Variants in TTC29 observed in about 807,000 individuals in gnomAD.
TTC29 encodes tetratricopeptide repeat protein 29.
In TTC29, 49 loss-of-function variants were observed where a neutral mutation model predicts 58.1. The ratio of observed to expected loss-of-function variants is 0.84; its 90% CI spans 0.67 to 1.07. The LOEUF (loss-of-function observed/expected upper bound fraction) is 1.07. Among genes scored for constraint, TTC29 ranks in the 50% least tolerant of loss-of-function variants. TTC29 has a pLI of 0.00. For synonymous variants in TTC29, 209 were observed against 196.8 expected (o/e 1.06, Z -0.52); for missense variants, 582 against 555.6 (o/e 1.05, Z -0.48).
At chr4:146,792,277 T>G (rs982719220) in intron 11 of TTC29, among the ~76,000 whole-genome samples, 1 of 152,208 alleles carries the variant, frequency 6.6e-6, no homozygotes, top group Non-Finnish European at 1.5e-5. Flanking sequence ...ACTTTGACGT[T>G]GAAGCCCATG....
intron 6 of TTC29, among the ~76,000 whole-genome samples, chr4:146,879,886 A>C (rs1283306400): frequency 6.6e-6 from 1 of 152,206 alleles, no homozygotes; most frequent in Non-Finnish European, 1.5e-5. Context: ...CACAGGTATT[A>C]AAGTCTTTGT....
chr4:146,814,750 A>AAG (rs1751279470), intron 10 of TTC29, among the ~76,000 whole-genome samples: 1 of 139,706 alleles, frequency 7.2e-6, no homozygotes, highest in Non-Finnish European at 1.5e-5. Flanking sequence ...AAAAAAAAAA[A>AAG]GGGGAGGGGG....
intron 11 of TTC29, among the ~76,000 whole-genome samples, chr4:146,714,306 G>T (rs1480633611): frequency 3.3e-5 from 5 of 152,094 alleles, no homozygotes; most frequent in Non-Finnish European, 5.9e-5. Context: ...GTTAAGTAGA[G>T]ACATGGAAAA....
chr4:146,903,450 A>G (rs1560701358), intron 6 of TTC29, 94 bp downstream of exon 6: 1 of 1,124,862 alleles, frequency 8.9e-7, no homozygotes, highest in Non-Finnish European at 1.2e-6. Flanking sequence ...CTGAAATCTC[A>G]GGTCTTTTTT....
intron 8 of TTC29, among the ~76,000 whole-genome samples, chr4:146,849,423 T>C (rs1036323761): frequency 1.3e-5 from 2 of 152,050 alleles, no homozygotes; most frequent in African/African-American, 2.4e-5. Context: ...GACCTTGACC[T>C]TCACCTACAG....
At chr4:146,717,439 G>A (rs1221981203) in intron 11 of TTC29, among the ~76,000 whole-genome samples, 6 of 151,852 alleles carry the variant, frequency 4.0e-5, no homozygotes, top group Admixed American at 2.0e-4. Context: ...TATCATGCCC[G>A]GCTAATTTTT....
intron 8 of TTC29, among the ~76,000 whole-genome samples, chr4:146,848,082 G>A (rs1729291793): frequency 6.6e-6 from 1 of 152,134 alleles, no homozygotes; most frequent in African/African-American, 2.4e-5. Flanking sequence ...AAATTGTAAA[G>A]CTACAAAGTT....
intron 11 of TTC29, among the ~76,000 whole-genome samples, chr4:146,719,646 A>T (rs1245182353): frequency 1.3e-5 from 2 of 152,146 alleles, no homozygotes; most frequent in African/African-American, 4.8e-5. Flanking sequence ...TTCCTAATGC[A>T]GCAGTTAAGA....
At chr4:146,914,197 G>A (rs1183312438) in intron 4 of TTC29, among the ~76,000 whole-genome samples, 1 of 151,924 alleles carries the variant, frequency 6.6e-6, no homozygotes, top group Non-Finnish European at 1.5e-5. Flanking sequence ...TAAAAAAAAG[G>A]AATGTCAATC....
chr4:146,892,172 G>C (rs1327072279), intron 6 of TTC29, among the ~76,000 whole-genome samples: 5 of 152,076 alleles, frequency 3.3e-5, no homozygotes, highest in Admixed American at 6.6e-5. Flanking sequence ...AAATCTGGTT[G>C]TTTAAAGTGT....
In TTC29 at chr4:146,932,104, C is replaced by T. The variant is rs1057480173; in HGVS notation, c.176+5490G>A. On this transcript the variant is annotated intron_variant, in intron 4 of 12. Transcript: ENST00000325106. ...CATCCTAGAGATCTGATCTCGAAGA[C>T]AATGCCAGAATTTTTTCAAAAAGAA... Among the ~76,000 whole-genome samples the T allele has an allele frequency of 3.3e-5, 5 of 152,070 alleles. No individual in the cohort carries two copies. In the East Asian group the frequency reaches 9.6e-4, roughly 29 times the overall value.
At chr4:146,747,811 T>C (rs1257986919) in intron 11 of TTC29, among the ~76,000 whole-genome samples, 4 of 152,128 alleles carry the variant, frequency 2.6e-5, no homozygotes, top group African/African-American at 4.8e-5. Flanking sequence ...TCCCAGGAAA[T>C]AGAAGCTTGA....
rs1351562534 is a variant in TTC29, at chr4:146,937,688, TAGAA to T, written c.93-15_93-12del. On this transcript the variant is annotated splice_polypyrimidine_tract_variant and intron_variant, in intron 3 of 12. Coordinates refer to ENST00000325106, the MANE Select transcript of TTC29 (RefSeq NM_031956.4). ...TTGATCAATTGAGACCTAAATGAAA[TAGAA>T]AGAAATAATAAAGCACAGCCTTATC... The T allele has an allele frequency of 7.1e-7, 1 of 1,416,556 alleles. No homozygotes were observed. The highest frequency in any genetic ancestry group is 9.6e-7 in the Non-Finnish European group (1 of 1,042,916). 87.7% of individuals were successfully genotyped at this position (1,416,556 alleles called of 1,614,324 possible).
intron 8 of TTC29, among the ~76,000 whole-genome samples, chr4:146,858,450 C>T (rs1005210445): frequency 6.6e-6 from 1 of 152,142 alleles, no homozygotes; most frequent in Non-Finnish European, 1.5e-5. Context: ...TGCTCTTTTT[C>T]ATGTAATATA....
chr4:146,855,049 C>T (rs1392267798), intron 8 of TTC29, among the ~76,000 whole-genome samples: 1 of 152,028 alleles, frequency 6.6e-6, no homozygotes, highest in African/African-American at 2.4e-5. Context: ...ATCCCAGCAG[C>T]ACTTTGGAAG....
chr4:146,746,016 G>A (rs1295062404), intron 11 of TTC29, among the ~76,000 whole-genome samples: 1 of 152,150 alleles, frequency 6.6e-6, no homozygotes, highest in African/African-American at 2.4e-5. Flanking sequence ...TATTGCAATT[G>A]GGAGGCACAG....
intron 6 of TTC29, among the ~76,000 whole-genome samples, chr4:146,895,106 G>A (rs532888808): frequency 6.6e-6 from 1 of 152,304 alleles, no homozygotes; most frequent in African/African-American, 2.4e-5. Flanking sequence ...TTAGTATGCT[G>A]AGGATAATGA....
At position 146,904,710 on chromosome 4, in the gene TTC29, T is replaced by C. The variant is rs542029986; in HGVS notation, c.401-981A>G. Among the ~76,000 whole-genome samples the C allele has an allele frequency of 2.0e-5, 3 of 152,298 alleles. No homozygotes were observed. In the South Asian group the frequency reaches 6.2e-4, roughly 32 times the overall value. On this transcript the variant is annotated intron_variant, in intron 5 of 12. Coordinates refer to ENST00000325106, the MANE Select transcript of TTC29 (RefSeq NM_031956.4). The stretch of plus-strand genomic sequence containing the variant: ...TTTTTTAGTAACAGTCATTATCTAT[T>C]AGAATTCACTGATATTAATTGTTCA...
chr4:146,842,244 C>T (rs944923155), intron 8 of TTC29, among the ~76,000 whole-genome samples: 1 of 152,012 alleles, frequency 6.6e-6, no homozygotes. Flanking sequence ...AAATTATTTC[C>T]TAGTGAGGCT....
Sources: gnomAD v4.1 joint callset for allele counts (sites outside exome capture counted in the v4.1 genomes callset) on GRCh38, gnomAD v4.1.1 for gene constraint, MANE v1.5 for transcripts, NCBI Gene and HGNC (gene_info 2026-07-23, HGNC 2026-07-21) for gene names.